The following ZMAT3 variants were observed in gnomAD, a reference collection of about 807,000 sequenced individuals.
ZMAT3 encodes the protein zinc finger matrin-type protein 3.
In ZMAT3, 17 loss-of-function variants were observed where a neutral mutation model predicts 32.3. The ratio of observed to expected loss-of-function variants is 0.53; its 90% CI spans 0.36 to 0.79. The LOEUF is 0.79. Among genes scored for constraint, ZMAT3 ranks in the 30% least tolerant of loss-of-function variants. The probability of loss-of-function intolerance (pLI) is 0.00; values close to 1 mark genes in which losing one functional copy is unlikely to be tolerated. For missense variants in ZMAT3, 329 were observed against 359.7 expected, an observed-to-expected ratio of 0.91 and a Z score of 0.69; for synonymous variants, 120 against 133.1, an observed-to-expected ratio of 0.90 and a Z score of 0.68.
chr3:179,027,001 G>A (rs1347360432), intron 5 of ZMAT3, among the ~76,000 whole-genome samples: 2 of 152,208 alleles, frequency 1.3e-5, no homozygotes, highest in African/African-American at 2.4e-5. Flanking sequence ...AAATCTCTAA[G>A]TCATGGTTCA....
At chr3:179,043,441 TTGACAAACC>T (rs1720062359) in intron 2 of ZMAT3, among the ~76,000 whole-genome samples, 1 of 152,194 alleles carries the variant, frequency 6.6e-6, no homozygotes, top group African/African-American at 2.4e-5. Flanking sequence ...CATCTGATCT[TTGACAAACC>T]TGACAAAAAC....
intron 2 of ZMAT3, among the ~76,000 whole-genome samples, chr3:179,032,611 G>A (rs1038149841): frequency 4.0e-5 from 6 of 150,696 alleles, no homozygotes; most frequent in African/African-American, 9.8e-5. Context: ...CCTCTGCCCC[G>A]CCGCCCCGTC....
intron 1 of ZMAT3, among the ~76,000 whole-genome samples, chr3:179,068,095 C>T (rs188245949): frequency 2.0e-5 from 3 of 152,338 alleles, no homozygotes; most frequent in Non-Finnish European, 2.9e-5. Context: ...ATTGCATCCA[C>T]GGCTAAATCT....
intron 2 of ZMAT3, among the ~76,000 whole-genome samples, chr3:179,034,955 C>A (rs1308060435): frequency 6.6e-6 from 1 of 152,168 alleles, no homozygotes; most frequent in East Asian, 1.9e-4. Flanking sequence ...CAGTAGGTAA[C>A]AGTGGTCATT....
intron 2 of ZMAT3, among the ~76,000 whole-genome samples, chr3:179,031,821 C>T: frequency 6.6e-6 from 1 of 151,894 alleles, no homozygotes; most frequent in East Asian, 1.9e-4. Context: ...GCAGGAGAAC[C>T]ACTTTAACCT....
intron 3 of ZMAT3, among the ~76,000 whole-genome samples, chr3:179,029,857 G>C (rs1201549610): frequency 1.3e-5 from 2 of 151,638 alleles, no homozygotes; most frequent in South Asian, 2.1e-4. Flanking sequence ...GAGTTTTTTG[G>C]CTCCTTCTTA....
At chr3:179,062,878 A>C (rs1414349512) in intron 2 of ZMAT3, among the ~76,000 whole-genome samples, 1 of 152,230 alleles carries the variant, frequency 6.6e-6, no homozygotes, top group Non-Finnish European at 1.5e-5. Flanking sequence ...CTATCAAGGT[A>C]GTAACAACAG....
intron 2 of ZMAT3, among the ~76,000 whole-genome samples, chr3:179,043,727 C>T (rs546924058): frequency 1.4e-4 from 22 of 152,040 alleles, no homozygotes; most frequent in Middle Eastern, 3.4e-3. Context: ...ACAAATGGGA[C>T]CTAATTAAAC....
chr3:179,067,899 C>A, intron 1 of ZMAT3, 90 bp from the exon 2 acceptor site: 1 of 1,211,624 alleles, frequency 8.3e-7, no homozygotes, highest in Non-Finnish European at 1.1e-6. Flanking sequence ...TAATCTGACC[C>A]TTTCTTCTAC....
Position 179,047,000 on chromosome 3 carries a change from T to C in ZMAT3, c.271-16001A>G, listed in dbSNP as rs1285301493. The stretch of plus-strand genomic sequence containing the variant: ...CCGCATGATCATCTCTATACTACCA[T>C]AGCTGATGCACTCTTGAAAGCACCA... On this transcript the variant is annotated intron_variant, in intron 2 of 5. Coordinates refer to ENST00000311417, the MANE Select transcript of ZMAT3 (RefSeq NM_022470.4). The surrounding 1 kb of genome is among the most constrained non-coding windows in gnomAD (Gnocchi z 4.3). Among the ~76,000 whole-genome samples the C allele has an allele frequency of 6.6e-6, 1 of 152,080 alleles. No homozygotes were observed. The highest frequency in any genetic ancestry group is 1.5e-5 in the Non-Finnish European group (1 of 67,998).
At chr3:179,067,411 G>C (rs1037753376) in intron 2 of ZMAT3, 72 bp downstream of exon 2, 2 of 1,517,884 alleles carry the variant, frequency 1.3e-6, no homozygotes, top group African/African-American at 1.4e-5. Flanking sequence ...TATCTGGAGA[G>C]ACAACTGCTA....
chr3:179,019,460 G>A lies in ZMAT3; in HGVS notation c.*5557C>T, dbSNP rs1718433649. On this transcript the variant is annotated 3_prime_UTR_variant, in exon 6 of 6. Transcript: ENST00000311417. ...AAAAAAATCTGATGGATCGATGGAT[G>A]AAAAGAGGGATAGAGAATATGAACA... is the stretch of plus-strand genomic sequence containing the variant. 1 of 152,062 alleles carries A rather than the reference G, an allele frequency of 6.6e-6. No individual in the cohort carries two copies. Among genetic ancestry groups the A allele is most frequent in the African/African-American group, 2.4e-5 (1 of 41,412 alleles). The allele number at this position is 152,062 out of a possible 1,614,324, so 9.4% of individuals were successfully genotyped here.
chr3:179,035,583 C>G (rs1719540438), intron 2 of ZMAT3, among the ~76,000 whole-genome samples: 1 of 151,008 alleles, frequency 6.6e-6, no homozygotes, highest in Admixed American at 6.7e-5. Context: ...TAATCACTAT[C>G]TAAAATAATA....
chr3:179,030,833 TAC>T, intron 3 of ZMAT3, 45 bp downstream of exon 3: 1 of 1,584,728 alleles, frequency 6.3e-7, no homozygotes, highest in Non-Finnish European at 8.6e-7. Context: ...TTGTGCATAT[TAC>T]AGCTTCCACC....
chr3:179,034,214 G>C (rs533626087), intron 2 of ZMAT3, among the ~76,000 whole-genome samples: 46 of 152,294 alleles, frequency 3.0e-4, no homozygotes, highest in African/African-American at 1.0e-3. Flanking sequence ...GCACATAGAG[G>C]AGGAGACAGA....
intron 2 of ZMAT3, among the ~76,000 whole-genome samples, chr3:179,042,489 A>T (rs1274048095): frequency 6.6e-6 from 1 of 152,240 alleles, no homozygotes; most frequent in Non-Finnish European, 1.5e-5. Context: ...GATTATCTCA[A>T]TAGAGGCAGA....
At chr3:179,063,450 G>A (rs1721249693) in intron 2 of ZMAT3, among the ~76,000 whole-genome samples, 1 of 152,124 alleles carries the variant, frequency 6.6e-6, no homozygotes, top group South Asian at 2.1e-4. Flanking sequence ...TTCATGGTAG[G>A]TTGCTATCTG....
chr3:179,063,126 T>C (rs1244449379), intron 2 of ZMAT3, among the ~76,000 whole-genome samples: 1 of 152,230 alleles, frequency 6.6e-6, no homozygotes, highest in Non-Finnish European at 1.5e-5. Context: ...AAAGCATATA[T>C]GCCACGTGTA....
intron 2 of ZMAT3, among the ~76,000 whole-genome samples, chr3:179,051,338 C>A (rs2108570284): frequency 6.6e-6 from 1 of 152,136 alleles, no homozygotes; most frequent in East Asian, 1.9e-4. Context: ...CTGCTATACA[C>A]CACTATACAC....
Sources: gnomAD v4.1 joint callset for allele counts (sites outside exome capture counted in the v4.1 genomes callset) on GRCh38, gnomAD v4.1.1 for gene constraint, Gnocchi (gnomAD v3.1) non-coding constraint, MANE v1.5 for transcripts, NCBI Gene and HGNC (gene_info 2026-07-23, HGNC 2026-07-21) for gene names.